Variants in ADCY3 observed in about 807,000 individuals in gnomAD.
ADCY3 encodes the protein adenylate cyclase type 3.
A neutral mutation model predicts 119.4 loss-of-function variants in ADCY3; 70 were observed. The observed-to-expected ratio is 0.59, with a 90% CI of 0.48 to 0.72. The LOEUF is 0.72. ADCY3 is among the 30% of genes least tolerant of loss of function. The pLI, the probability that ADCY3 is intolerant of heterozygous loss-of-function variation, is 0.00. For missense variants in ADCY3, 1,238 were observed against 1,541.6 expected (o/e 0.80, Z 3.30); for synonymous variants, 672 against 621.4 (o/e 1.08, Z -1.21).
intron 2 of ADCY3, among the ~76,000 whole-genome samples, chr2:24,914,561 G>A (rs1173708795): frequency 6.6e-6 from 1 of 152,014 alleles, no homozygotes; most frequent in African/African-American, 2.4e-5. Flanking sequence ...TGTAATCCCA[G>A]GTACTTGGGA....
At chr2:24,873,261 G>A (rs1477192245) in intron 2 of ADCY3, among the ~76,000 whole-genome samples, 1 of 152,224 alleles carries the variant, frequency 6.6e-6, no homozygotes, top group Non-Finnish European at 1.5e-5. Flanking sequence ...TGATTCGGCA[G>A]TCACAATGTT....
In ADCY3 at chr2:24,838,504, T is replaced by C. The variant is rs201470229; in HGVS notation, c.1474A>G (p.Ile492Val). The C allele has an allele frequency of 6.2e-7, 1 of 1,614,050 alleles. No homozygotes were observed. Among genetic ancestry groups the C allele is most frequent in the African/African-American group, 1.3e-5 (1 of 75,010 alleles). ...TTCACCTCTGGCTTGGAGGCAATGA[T>C]GAGGTAGGTTTCAATACCCTTCTCT... ...LEEKGIETYL[I>V]IASKPEVKKT... The change falls in exon 8 of 22, where the codon ATC becomes GTC. Residue 492 changes from isoleucine (I) to valine (V), a missense_variant. This residue lies in a region of ADCY3 where 283 missense variants were observed against 437.2 expected (regional missense o/e 0.65). Coordinates refer to ENST00000679454, the MANE Select transcript of ADCY3 (RefSeq NM_004036.5).
At chr2:24,902,074 G>A (rs1474361006) in intron 2 of ADCY3, among the ~76,000 whole-genome samples, 2 of 111,438 alleles carry the variant, frequency 1.8e-5, no homozygotes, top group African/African-American at 7.4e-5. Flanking sequence ...GTGTGTGTGT[G>A]TATTTGGTTT....
chr2:24,820,489 A>C lies in ADCY3; in HGVS notation c.3252+235T>G, dbSNP rs1461851321. On this transcript the variant is annotated intron_variant, in intron 21 of 21. Coordinates refer to ENST00000679454, the MANE Select transcript of ADCY3 (RefSeq NM_004036.5). The stretch of plus-strand genomic sequence containing the variant: ...ACAAGGTATTAGAAGGTTCATACCC[A>C]AAGGTAGGCCATATGCATCTAGAAC... 1.1e-5 allele frequency: 16 copies of C among 1,398,262 alleles called. No individual in the cohort carries two copies. The South Asian group carries it at 2.2e-4, about 20-fold the overall frequency. The allele number at this position is 1,398,262 out of a possible 1,614,324, so 86.6% of individuals were successfully genotyped here. A position where few individuals can be genotyped will look rare whatever the true frequency, so the allele number is the denominator to read the frequency against.
At chr2:24,864,668 AT>A (rs200190484) in intron 3 of ADCY3, among the ~76,000 whole-genome samples, 1,604 of 152,332 alleles carry the variant, frequency 0.011, 21 homozygotes, top group African/African-American at 0.036. Flanking sequence ...GTAGAGGCAA[AT>A]TCAGAGACAC....
chr2:24,832,973 A>G (rs576340017), intron 11 of ADCY3, among the ~76,000 whole-genome samples: 1 of 152,272 alleles, frequency 6.6e-6, no homozygotes, highest in East Asian at 1.9e-4. Flanking sequence ...CCCACAACCA[A>G]TCTGCCAGCA....
At chr2:24,903,716 G>T (rs1679165726) in intron 2 of ADCY3, among the ~76,000 whole-genome samples, 1 of 152,210 alleles carries the variant, frequency 6.6e-6, no homozygotes, top group South Asian at 2.1e-4. Context: ...AGCAGGGGTA[G>T]GAGGGTGCGG....
intron 2 of ADCY3, among the ~76,000 whole-genome samples, chr2:24,879,813 G>A (rs559865179): frequency 2.6e-5 from 4 of 152,166 alleles, no homozygotes; most frequent in African/African-American, 9.6e-5. Flanking sequence ...ACTGTGATGG[G>A]TGTCTGCCAA....
intron 2 of ADCY3, among the ~76,000 whole-genome samples, chr2:24,912,188 G>A (rs1431935447): frequency 6.6e-6 from 1 of 152,012 alleles, no homozygotes; most frequent in African/African-American, 2.4e-5. Context: ...TGATGGCTGG[G>A]CATGGTGGCT....
At chr2:24,851,395 C>A (rs1672275160) in intron 3 of ADCY3, among the ~76,000 whole-genome samples, 1 of 152,244 alleles carries the variant, frequency 6.6e-6, no homozygotes. Flanking sequence ...CAGTCAAAAT[C>A]ATCCCTCTCC....
intron 2 of ADCY3, among the ~76,000 whole-genome samples, chr2:24,873,816 G>C (rs1258717246): frequency 6.6e-6 from 1 of 152,198 alleles, no homozygotes; most frequent in Non-Finnish European, 1.5e-5. Flanking sequence ...CACCCTCCCA[G>C]CCCTGGATCC....
intron 19 of ADCY3, chr2:24,821,874 T>G: frequency 1.9e-6 from 1 of 515,010 alleles, no homozygotes; most frequent in South Asian, 2.6e-5. Context: ...GACGGACCTG[T>G]GAGTCTGACC....
intron 2 of ADCY3, among the ~76,000 whole-genome samples, chr2:24,894,726 A>G (rs1678062029): frequency 6.6e-6 from 1 of 151,572 alleles, no homozygotes; most frequent in South Asian, 2.1e-4. Context: ...GTGCAGCCCA[A>G]ATTTCTATCT....
intron 13 of ADCY3, among the ~76,000 whole-genome samples, chr2:24,828,896 G>C (rs1310450820): frequency 1.3e-5 from 2 of 152,232 alleles, no homozygotes; most frequent in Non-Finnish European, 2.9e-5. Context: ...CCAGGTTCCA[G>C]GCATGTTGTG....
chr2:24,830,000 ACT>A (rs1432778852), intron 13 of ADCY3, among the ~76,000 whole-genome samples: 2 of 149,468 alleles, frequency 1.3e-5, no homozygotes, highest in Non-Finnish European at 3.0e-5. Flanking sequence ...TCCATTCTGG[ACT>A]CTGTCACTTC....
intron 2 of ADCY3, chr2:24,877,834 G>A (rs1212749248): frequency 6.4e-5 from 30 of 466,700 alleles, no homozygotes; most frequent in Middle Eastern, 3.8e-4. Flanking sequence ...GACAGCTGGC[G>A]CTCGAAGCCT....
At chr2:24,904,174 A>C (rs1420394344) in intron 2 of ADCY3, among the ~76,000 whole-genome samples, 1 of 152,186 alleles carries the variant, frequency 6.6e-6, no homozygotes, top group Non-Finnish European at 1.5e-5. Context: ...AAAGAGAGAG[A>C]GAGAGAAAGA....
chr2:24,838,793 C>T (rs965233128), intron 7 of ADCY3, 171 bp from the exon 8 acceptor site: 297 of 1,598,546 alleles, frequency 1.9e-4, no homozygotes, highest in South Asian at 1.4e-3. Flanking sequence ...CTGTGTGGGC[C>T]GCTAACTAGC....
intron 2 of ADCY3, among the ~76,000 whole-genome samples, chr2:24,912,580 T>C (rs1663884471): frequency 2.5e-5 from 1 of 39,976 alleles, no homozygotes; most frequent in Non-Finnish European, 4.6e-5. Flanking sequence ...TGTGTGTGTG[T>C]GTGTGCATGT....
Sources: allele counts gnomAD v4.1 joint callset (sites outside exome capture counted in the v4.1 genomes callset), GRCh38; gene constraint gnomAD v4.1.1; regional missense constraint gnomAD v4.1.1; transcripts MANE v1.5; gene names NCBI Gene and HGNC (gene_info 2026-07-23, HGNC 2026-07-21).